Variants in PRR16 observed in about 807,000 individuals in gnomAD.
The protein encoded by PRR16 is proline rich 16, also known as protein Largen.
A neutral mutation model predicts 18.2 loss-of-function variants in PRR16; 6 were observed. The observed-to-expected ratio is 0.33, with a 90% CI of 0.18 to 0.65. The LOEUF (loss-of-function observed/expected upper bound fraction) is 0.65. PRR16 is among the 30% of genes least tolerant of loss of function. The pLI, the probability that PRR16 is intolerant of heterozygous loss-of-function variation, is 0.74. For synonymous variants in PRR16, 151 were observed against 147.8 expected (o/e 1.02, Z -0.16); for missense variants, 412 against 376.6 (o/e 1.09, Z -0.78).
the PRR16 span, among the ~76,000 whole-genome samples, chr5:120,715,370 C>T: frequency 6.6e-6 from 1 of 152,146 alleles, no homozygotes; most frequent in Non-Finnish European, 1.5e-5. Context: ...GTTTATAGCC[C>T]TTACTACTCA....
chr5:120,736,695 A>G, the PRR16 span, among the ~76,000 whole-genome samples: 1 of 151,928 alleles, frequency 6.6e-6, no homozygotes, highest in African/African-American at 2.4e-5. Context: ...TATTTTAACA[A>G]TATTAAGTCT....
intron 1 of PRR16, among the ~76,000 whole-genome samples, chr5:120,563,255 T>A (rs887883458): frequency 2.6e-5 from 4 of 152,202 alleles, no homozygotes; most frequent in Admixed American, 1.3e-4. Flanking sequence ...CTACTACTTA[T>A]GTTCACTCAA....
At chr5:120,732,492 G>C in the PRR16 span, among the ~76,000 whole-genome samples, 1 of 152,076 alleles carries the variant, frequency 6.6e-6, no homozygotes, top group Non-Finnish European at 1.5e-5. Context: ...TGATGCAGTG[G>C]TCCTAGGATC....
chr5:120,523,087 A>C (rs2112655391), intron 1 of PRR16, among the ~76,000 whole-genome samples: 1 of 151,962 alleles, frequency 6.6e-6, no homozygotes, highest in South Asian at 2.1e-4. Flanking sequence ...TAAGATTCTA[A>C]ATTAACTTCA....
chr5:120,481,262 C>G (rs939848884), intron 1 of PRR16: 2 of 469,198 alleles, frequency 4.3e-6, no homozygotes, highest in African/African-American at 4.0e-5. Context: ...ATTCTCCTGC[C>G]TCAGCCTGCC....
the PRR16 span, among the ~76,000 whole-genome samples, chr5:120,731,840 A>C: frequency 6.6e-6 from 1 of 152,206 alleles, no homozygotes; most frequent in African/African-American, 2.4e-5. Context: ...ACAGGTTCAT[A>C]ATCAGTAATG....
the PRR16 span, among the ~76,000 whole-genome samples, chr5:120,743,808 GTCT>G: frequency 1.7e-3 from 257 of 152,074 alleles, 2 homozygotes; most frequent in Middle Eastern, 3.4e-3. Flanking sequence ...CATACTCATA[GTCT>G]TCTTCTTATT....
intron 1 of PRR16, among the ~76,000 whole-genome samples, chr5:120,601,561 T>C (rs1004255431): frequency 1.3e-5 from 2 of 152,034 alleles, no homozygotes; most frequent in Non-Finnish European, 1.5e-5. Flanking sequence ...AGAGGTTCTT[T>C]AGTTTCTTTA....
At chr5:120,475,627 C>T (rs372813388) in intron 1 of PRR16, among the ~76,000 whole-genome samples, 1 of 152,038 alleles carries the variant, frequency 6.6e-6, no homozygotes, top group East Asian at 1.9e-4. Flanking sequence ...GTCCCAGCCA[C>T]TCTGGAGCCT....
intron 1 of PRR16, among the ~76,000 whole-genome samples, chr5:120,555,938 A>T (rs1484544211): frequency 4.0e-5 from 6 of 151,692 alleles, no homozygotes; most frequent in Admixed American, 6.6e-5. Flanking sequence ...AAAATTGATT[A>T]AAAAAGACTT....
intron 1 of PRR16, among the ~76,000 whole-genome samples, chr5:120,653,262 A>G (rs1338340780): frequency 6.6e-6 from 1 of 151,764 alleles, no homozygotes; most frequent in Non-Finnish European, 1.5e-5. Flanking sequence ...TATAATTATG[A>G]TTTTTATATT....
At chr5:120,779,906 G>A in the PRR16 span, among the ~76,000 whole-genome samples, 5,967 of 152,108 alleles carry the variant, frequency 0.039, 159 homozygotes, top group South Asian at 0.078. Flanking sequence ...TCAAGCTCTT[G>A]GGTAGCTTGT....
intron 1 of PRR16, among the ~76,000 whole-genome samples, chr5:120,505,082 A>C (rs1372812910): frequency 6.6e-6 from 1 of 152,132 alleles, no homozygotes; most frequent in East Asian, 1.9e-4. Flanking sequence ...ATAATACTAA[A>C]AAAGAATTTC....
chr5:120,733,539 A>G, the PRR16 span, among the ~76,000 whole-genome samples: 1,688 of 152,260 alleles, frequency 0.011, 28 homozygotes, highest in African/African-American at 0.037. Flanking sequence ...TATTTGTGCA[A>G]AATTTCTACC....
intron 1 of PRR16, among the ~76,000 whole-genome samples, chr5:120,531,301 A>AT (rs1751543222): frequency 6.6e-6 from 1 of 152,102 alleles, no homozygotes; most frequent in East Asian, 1.9e-4. Flanking sequence ...AATGACTTAA[A>AT]TTATCCTATT....
intron 1 of PRR16, among the ~76,000 whole-genome samples, chr5:120,552,539 A>G (rs1046254867): frequency 2.0e-5 from 3 of 151,960 alleles, no homozygotes; most frequent in African/African-American, 7.2e-5. Flanking sequence ...TTCTGATTAT[A>G]TATAGATTAT....
rs1365547716 is a variant in PRR16 at position 120,686,759 on chromosome 5, AAAATAAGT to A, written c.*53_*60del. ...TTTTAATTTTCTATATTATAAACAT[AAAATAAGT>A]AATGAGCACTTTCTACTCAAGCAAT... On this transcript the variant is annotated 3_prime_UTR_variant, in exon 2 of 2. Coordinates refer to ENST00000407149, the MANE Select transcript of PRR16 (RefSeq NM_001300783.2). 1 of 1,311,166 alleles carries A rather than the reference AAAATAAGT, an allele frequency of 7.6e-7. No homozygotes were observed. Among genetic ancestry groups the A allele is most frequent in the Non-Finnish European group, 1.0e-6 (1 of 1,003,284 alleles). 81.2% of individuals were successfully genotyped at this position (1,311,166 alleles called of 1,614,324 possible).
rs1337118653 is a variant in PRR16, at chr5:120,522,412, C to G, written c.159+57767C>G. 1.7e-4 allele frequency among the ~76,000 whole-genome samples: 26 copies of G among 152,190 alleles called. 1 individual carries two copies. Among genetic ancestry groups the G allele is most frequent in the Admixed American group, 1.7e-3 (26 of 15,272 alleles). ...CATTGTGGTTTTGATTTGCATTTCT[C>G]TGATGGCCAGTGATGATCAGCATTT... is the stretch of plus-strand genomic sequence containing the variant. On this transcript the variant is annotated intron_variant, in intron 1 of 1. Transcript: ENST00000407149.
chr5:120,753,089 G>A, the PRR16 span, among the ~76,000 whole-genome samples: 1 of 151,972 alleles, frequency 6.6e-6, no homozygotes. Flanking sequence ...TTTGAGCAGA[G>A]GAGTTAGCAG....
Sources: gnomAD v4.1 joint callset for allele counts (sites outside exome capture counted in the v4.1 genomes callset) on GRCh38, gnomAD v4.1.1 for gene constraint, MANE v1.5 for transcripts, NCBI Gene and HGNC (gene_info 2026-07-23, HGNC 2026-07-21) for gene names.